Variants in ANKRD11 observed in about 807,000 individuals in gnomAD.
The protein encoded by ANKRD11 is ankyrin repeat domain-containing protein 11.
ANKRD11 carries 17 observed loss-of-function variants against 195.7 expected under a neutral mutation model. The ratio of observed to expected loss-of-function variants is 0.09; its 90% confidence interval spans 0.06 to 0.13. The LOEUF (loss-of-function observed/expected upper bound fraction) is 0.13. Ranked by LOEUF, ANKRD11 falls within the 10% of genes least tolerant of loss-of-function variation. The pLI is 1.00. For missense variants in ANKRD11, 3,735 were observed against 3,566.1 expected (o/e 1.05, Z -1.21); for synonymous variants, 1,953 against 1,528.1 (o/e 1.28, Z -6.49).
intron 2 of ANKRD11, among the ~76,000 whole-genome samples, chr16:89,354,829 G>C (rs1219629197): frequency 6.6e-6 from 1 of 151,942 alleles, no homozygotes; most frequent in Non-Finnish European, 1.5e-5. Flanking sequence ...GGAGGTTGCA[G>C]TGAGCCGAGA....
intron 1 of ANKRD11, among the ~76,000 whole-genome samples, chr16:89,450,021 G>A (rs531550997): frequency 1.1e-4 from 16 of 152,264 alleles, no homozygotes; most frequent in African/African-American, 3.1e-4. Context: ...TCTCACAACA[G>A]GAAAAGGCAT....
rs2037012551 is a variant in ANKRD11, at chr16:89,317,200, G to T, written c.-59-122C>A. ...GCAGGCAGCTGCTCTGATCAGGGCT[G>T]GGGCCCGGGCCAGGCCCAGGAAGGG... On this transcript the variant is annotated intron_variant, in intron 2 of 12. Coordinates refer to ENST00000301030, the MANE Select transcript of ANKRD11 (RefSeq NM_013275.6). The T allele has an allele frequency of 3.9e-6, 3 of 764,382 alleles. No individual in the cohort carries two copies. The East Asian group carries it at 8.0e-5, about 20-fold the overall frequency. The allele number at this position is 764,382 out of a possible 1,614,324, so 47.3% of individuals were successfully genotyped here. A position where few individuals can be genotyped will look rare whatever the true frequency, so the allele number is the denominator to read the frequency against.
At chr16:89,464,562 C>A (rs184896994) in intron 1 of ANKRD11, among the ~76,000 whole-genome samples, 1 of 144,590 alleles carries the variant, frequency 6.9e-6, no homozygotes, top group African/African-American at 2.6e-5. Context: ...GAGCCAAGAT[C>A]GCAACACTGC....
At chr16:89,378,652 A>G (rs546815776) in intron 2 of ANKRD11, among the ~76,000 whole-genome samples, 2 of 152,172 alleles carry the variant, frequency 1.3e-5, no homozygotes, top group African/African-American at 2.4e-5. Flanking sequence ...ACACTGGTGT[A>G]CACAAAGATT....
intron 2 of ANKRD11, among the ~76,000 whole-genome samples, chr16:89,330,909 T>C (rs1399866835): frequency 6.6e-6 from 1 of 152,208 alleles, no homozygotes. Context: ...TAGTGCCATA[T>C]GCCCTGAGGA....
chr16:89,407,682 C>G (rs188968969), intron 2 of ANKRD11, among the ~76,000 whole-genome samples: 289 of 151,962 alleles, frequency 1.9e-3, no homozygotes, highest in Admixed American at 6.0e-3. Flanking sequence ...CACACACACA[C>G]ACATAGACAC....
intron 1 of ANKRD11, among the ~76,000 whole-genome samples, chr16:89,466,204 CTGACAGT>C (rs1376835863): frequency 3.3e-5 from 5 of 151,996 alleles, no homozygotes; most frequent in Admixed American, 2.6e-4. Flanking sequence ...CCCCCACCTG[CTGACAGT>C]TCAATTCTCT....
At chr16:89,455,725 G>C (rs1007068661) in intron 1 of ANKRD11, among the ~76,000 whole-genome samples, 10 of 152,186 alleles carry the variant, frequency 6.6e-5, no homozygotes. Context: ...GTACAAAAGA[G>C]TGCCGCAGAC....
intron 2 of ANKRD11, among the ~76,000 whole-genome samples, chr16:89,379,340 T>C (rs944702091): frequency 1.3e-5 from 2 of 152,238 alleles, no homozygotes; most frequent in African/African-American, 4.8e-5. Context: ...TAATTTTAAA[T>C]GGCTCAAATC....
intron 1 of ANKRD11, among the ~76,000 whole-genome samples, chr16:89,439,272 C>T (rs1329766785): frequency 1.3e-5 from 2 of 152,060 alleles, no homozygotes; most frequent in East Asian, 3.9e-4. Flanking sequence ...CAACTGAATC[C>T]TAAGCACAAA....
chr16:89,300,742 G>C, intron 4 of ANKRD11: 1 of 583,706 alleles, frequency 1.7e-6, no homozygotes, highest in Non-Finnish European at 3.1e-6. Flanking sequence ...AGCACCTAAC[G>C]CTGAAGGAAC....
At chr16:89,270,191 A>C (rs116222098) in intron 12 of ANKRD11, 4,258 of 170,542 alleles carry the variant, frequency 0.025, 203 homozygotes, top group African/African-American at 0.096. Context: ...CCACATCAGC[A>C]CCTTTCTGAG....
chr16:89,367,463 A>G (rs1335537826), intron 2 of ANKRD11, among the ~76,000 whole-genome samples: 1 of 152,042 alleles, frequency 6.6e-6, no homozygotes, highest in Non-Finnish European at 1.5e-5. Context: ...GTCTCAGGGG[A>G]GCGACGCTCT....
intron 2 of ANKRD11, among the ~76,000 whole-genome samples, chr16:89,381,016 C>T (rs1179717991): frequency 2.6e-5 from 4 of 152,032 alleles, no homozygotes; most frequent in African/African-American, 4.8e-5. Context: ...GGTAAACAAT[C>T]GATCCAAAAA....
chr16:89,478,765 G>A (rs1012233203), intron 1 of ANKRD11, among the ~76,000 whole-genome samples: 4 of 152,184 alleles, frequency 2.6e-5, no homozygotes, highest in African/African-American at 7.2e-5. Context: ...AATTCTTGAG[G>A]CTTAATGCAA....
Position 89,409,129 on chromosome 16 carries a change from G to A in ANKRD11, c.-60+9155C>T, listed in dbSNP as rs148338198. 3.7e-4 allele frequency among the ~76,000 whole-genome samples: 56 copies of A among 152,304 alleles called. No homozygotes were observed. The East Asian group carries it at 0.01, about 28-fold the overall frequency. On this transcript the variant is annotated intron_variant, in intron 2 of 12. Coordinates refer to ENST00000301030, the MANE Select transcript of ANKRD11 (RefSeq NM_013275.6). Reference sequence around the variant, plus strand: ...AGTGAGCCCTGGGGCCAGGTATCAGGCCCCTCAAAGAGCAGAAAACAGATT... The same window carrying A: ...AGTGAGCCCTGGGGCCAGGTATCAGACCCCTCAAAGAGCAGAAAACAGATT...
chr16:89,294,842 G>C (rs1303634452), intron 4 of ANKRD11, among the ~76,000 whole-genome samples: 1 of 152,220 alleles, frequency 6.6e-6, no homozygotes, highest in Non-Finnish European at 1.5e-5. Flanking sequence ...GCTCCTCTGA[G>C]AGGAGAGGCT....
At chr16:89,320,607 G>T (rs1359240751) in intron 2 of ANKRD11, among the ~76,000 whole-genome samples, 1 of 152,162 alleles carries the variant, frequency 6.6e-6, no homozygotes, top group African/African-American at 2.4e-5. Context: ...CAGGGTCACC[G>T]AGAGTCCAGG....
intron 1 of ANKRD11, among the ~76,000 whole-genome samples, chr16:89,424,610 T>TATC (rs1327799259): frequency 3.3e-5 from 5 of 151,938 alleles, no homozygotes; most frequent in African/African-American, 1.2e-4. Context: ...GAGCGAACAT[T>TATC]ACGCTGAGCA....
Sources: gnomAD v4.1 joint callset for allele counts (sites outside exome capture counted in the v4.1 genomes callset) on GRCh38, gnomAD v4.1.1 for gene constraint, MANE v1.5 for transcripts, NCBI Gene and HGNC (gene_info 2026-07-23, HGNC 2026-07-21) for gene names.